PHF21B: variants seen among roughly 807,000 people sequenced by gnomAD.
PHF21B encodes the protein PHD finger protein 21B, also known as PHD finger protein 4.
PHF21B carries 22 observed loss-of-function variants against 62.2 expected under a neutral mutation model. The ratio of observed to expected loss-of-function variants is 0.35; its 90% CI spans 0.25 to 0.51. The LOEUF (loss-of-function observed/expected upper bound fraction) is 0.51. Among genes scored for constraint, PHF21B ranks in the 20% least tolerant of loss-of-function variants. The pLI is 0.97. For missense variants in PHF21B, 701 were observed against 707.9 expected (o/e 0.99, Z 0.11); for synonymous variants, 341 against 314.7 (o/e 1.08, Z -0.88).
intron 2 of PHF21B, among the ~76,000 whole-genome samples, chr22:44,995,133 G>A (rs774033210): frequency 1.3e-5 from 2 of 152,234 alleles, no homozygotes; most frequent in Non-Finnish European, 2.9e-5. Flanking sequence ...AAGGTTGTGG[G>A]GAGGTATGGG....
chr22:44,896,288 G>A (rs1013418913), intron 5 of PHF21B, among the ~76,000 whole-genome samples: 1 of 152,162 alleles, frequency 6.6e-6, no homozygotes, highest in African/African-American at 2.4e-5. Context: ...TCAATTTGGA[G>A]GGCCTCCTTG....
chr22:44,951,274 A>C (rs2072188795), intron 2 of PHF21B, among the ~76,000 whole-genome samples: 1 of 152,162 alleles, frequency 6.6e-6, no homozygotes, highest in Non-Finnish European at 1.5e-5. Context: ...GATTCTCATA[A>C]GGAGTGCACA....
intron 5 of PHF21B, among the ~76,000 whole-genome samples, chr22:44,902,899 T>C (rs1017072297): frequency 6.6e-6 from 1 of 152,218 alleles, no homozygotes; most frequent in Non-Finnish European, 1.5e-5. Flanking sequence ...TTGTAGCAGG[T>C]GGGAAAGGGA....
chr22:44,946,593 T>G (rs961620769), intron 2 of PHF21B, among the ~76,000 whole-genome samples: 1 of 151,702 alleles, frequency 6.6e-6, no homozygotes, highest in African/African-American at 2.4e-5. Context: ...GATGGACGGG[T>G]AGATGGATGG....
At chr22:44,936,119 CT>C (rs1408800731) in intron 2 of PHF21B, among the ~76,000 whole-genome samples, 1 of 152,230 alleles carries the variant, frequency 6.6e-6, no homozygotes, top group Non-Finnish European at 1.5e-5. Flanking sequence ...TGGAGAACAT[CT>C]TTTTGGAGGG....
intron 7 of PHF21B, 54 bp from the exon 8 acceptor site, chr22:44,891,414 A>T: frequency 6.3e-7 from 1 of 1,592,826 alleles, no homozygotes; most frequent in Non-Finnish European, 8.6e-7. Flanking sequence ...GCTCTCTTCG[A>T]TGGTGACGTC....
At chr22:44,983,233 C>CA (rs59497234) in intron 2 of PHF21B, among the ~76,000 whole-genome samples, 10,550 of 148,368 alleles carry the variant, frequency 0.071, 430 homozygotes, top group South Asian at 0.094. Flanking sequence ...GACTCTGTCT[C>CA]AAAAAAAAAA....
intron 2 of PHF21B, chr22:44,989,509 C>T (rs759949718): frequency 6.6e-6 from 1 of 151,460 alleles, no homozygotes; most frequent in Non-Finnish European, 1.5e-5. Flanking sequence ...ACGAGGAAAT[C>T]AGTCCCCTGC....
intron 12 of PHF21B, among the ~76,000 whole-genome samples, chr22:44,884,749 GCACCACCATCATTACCACCATCACCAT>G (rs2070822994): frequency 7.9e-6 from 1 of 126,934 alleles, no homozygotes; most frequent in African/African-American, 3.0e-5. Context: ...ACTGTGATCA[GCACCACCATCATTACCACCATCACCAT>G]CACCACCACC....
intron 2 of PHF21B, chr22:45,002,021 T>C (rs2073229748): frequency 6.6e-6 from 1 of 152,248 alleles, no homozygotes; most frequent in Non-Finnish European, 1.5e-5. Flanking sequence ...CTTCTTTATC[T>C]CCTAAATGTG....
intron 2 of PHF21B, among the ~76,000 whole-genome samples, chr22:44,943,062 G>C (rs142917357): frequency 6.6e-6 from 1 of 151,354 alleles, no homozygotes; most frequent in Admixed American, 6.6e-5. Context: ...TGGAAGATCC[G>C]GATTGAATCC....
chr22:44,974,465 C>T (rs535618396), intron 2 of PHF21B, among the ~76,000 whole-genome samples: 4 of 152,096 alleles, frequency 2.6e-5, no homozygotes, highest in African/African-American at 9.6e-5. Flanking sequence ...CACAAACACA[C>T]CCTGACATGA....
chr22:44,974,434 G>T (rs956985288), intron 2 of PHF21B, among the ~76,000 whole-genome samples: 1 of 150,980 alleles, frequency 6.6e-6, no homozygotes, highest in Non-Finnish European at 1.5e-5. Context: ...AAATGCATAT[G>T]CTTAAGGACA....
intron 2 of PHF21B, among the ~76,000 whole-genome samples, chr22:44,953,165 T>C (rs1192572640): frequency 6.6e-6 from 1 of 152,184 alleles, no homozygotes; most frequent in Non-Finnish European, 1.5e-5. Flanking sequence ...AGGACTCTTC[T>C]CTCGGACACT....
chr22:44,966,100 A>G (rs995542702), intron 2 of PHF21B, among the ~76,000 whole-genome samples: 1 of 152,100 alleles, frequency 6.6e-6, no homozygotes, highest in Admixed American at 6.5e-5. Context: ...CTCCTCCTCC[A>G]GAGCCTGCCA....
chr22:45,009,484 C>T lies in PHF21B; in HGVS notation c.54+12G>A. The T allele has an allele frequency of 6.5e-7, 1 of 1,536,218 alleles. No homozygotes were observed. Among genetic ancestry groups the T allele is most frequent in the Non-Finnish European group, 8.7e-7 (1 of 1,148,388 alleles). ...CACTCCCCGGCCCCGGGCCCGGCCCCCGGCCACCTACCTGGTGGCGCGCGA... is the reference window on the plus strand; with the variant it reads ...CACTCCCCGGCCCCGGGCCCGGCCCTCGGCCACCTACCTGGTGGCGCGCGA... On this transcript the variant is annotated intron_variant, in intron 1 of 12. Transcript: ENST00000313237. The surrounding 1 kb of genome is among the most constrained non-coding windows in gnomAD (Gnocchi z 5.9).
At chr22:44,886,658 G>C (rs1398594459) in intron 10 of PHF21B, among the ~76,000 whole-genome samples, 2 of 151,784 alleles carry the variant, frequency 1.3e-5, no homozygotes, top group South Asian at 4.2e-4. Context: ...CTGCACTCTA[G>C]CCTGTGAAAC....
At chr22:44,891,645 A>AG (rs954474875) in intron 7 of PHF21B, among the ~76,000 whole-genome samples, 2 of 152,226 alleles carry the variant, frequency 1.3e-5, no homozygotes, top group Admixed American at 1.3e-4. Flanking sequence ...TAGCTCAGGA[A>AG]GGGCCGTCAG....
In PHF21B at chr22:45,009,489, CA is replaced by C. The variant is rs768091583; in HGVS notation, c.54+6del. 9.1e-5 allele frequency: 140 copies of C among 1,542,056 alleles called. 1 individual carries two copies. The South Asian group carries it at 1.4e-3, about 15-fold the overall frequency. Reference sequence around the variant, plus strand: ...CCCGGCCCCGGGCCCGGCCCCCGGCCACCTACCTGGTGGCGCGCGAGTTCCA... The same window carrying C: ...CCCGGCCCCGGGCCCGGCCCCCGGCCCCTACCTGGTGGCGCGCGAGTTCCA... On this transcript the variant is annotated splice_donor_region_variant and intron_variant, in intron 1 of 12. Coordinates refer to ENST00000313237, the MANE Select transcript of PHF21B (RefSeq NM_138415.5). This position sits in a 1 kb window ranked among gnomAD's most constrained non-coding sequence, Gnocchi z 5.9.
Sources: gnomAD v4.1 joint callset for allele counts (sites outside exome capture counted in the v4.1 genomes callset) on GRCh38, gnomAD v4.1.1 for gene constraint, Gnocchi (gnomAD v3.1) non-coding constraint, MANE v1.5 for transcripts, NCBI Gene and HGNC (gene_info 2026-07-23, HGNC 2026-07-21) for gene names.